Variants in TLK1 observed in about 807,000 individuals in gnomAD.
The protein encoded by TLK1 is tousled like kinase 1.
A neutral mutation model predicts 105.3 loss-of-function variants in TLK1; 24 were observed. That is an observed-to-expected ratio of 0.23 (90% CI 0.17 to 0.32). The LOEUF (loss-of-function observed/expected upper bound fraction) is 0.32, where lower values mean the gene tolerates loss of function less well. Among genes scored for constraint, TLK1 ranks in the 10% least tolerant of loss-of-function variants. TLK1 has a pLI of 1.00. For synonymous variants in TLK1, 321 were observed against 310.4 expected (o/e 1.03, Z -0.36); for missense variants, 558 against 910.5 (o/e 0.61, Z 4.98).
chr2:171,212,092 T>C (rs1553490057), intron 1 of TLK1, among the ~76,000 whole-genome samples: 3 of 146,452 alleles, frequency 2.0e-5, no homozygotes, highest in Non-Finnish European at 1.5e-5. Flanking sequence ...GTGATCCACC[T>C]ACCTCCCAAA....
intron 1 of TLK1, among the ~76,000 whole-genome samples, chr2:171,196,874 C>T (rs982382387): frequency 3.9e-5 from 6 of 152,184 alleles, no homozygotes; most frequent in Admixed American, 6.5e-5. Context: ...ATGAATATAG[C>T]TCTAAAAACT....
intron 1 of TLK1, among the ~76,000 whole-genome samples, chr2:171,137,546 T>G (rs1691376486): frequency 6.6e-6 from 1 of 152,080 alleles, no homozygotes; most frequent in African/African-American, 2.4e-5. Flanking sequence ...GGAATAAGCC[T>G]CAGTTTTAAG....
intron 1 of TLK1, among the ~76,000 whole-genome samples, chr2:171,181,584 C>T (rs7594071): frequency 0.47 from 71,821 of 151,990 alleles, 19,036 homozygotes; most frequent in African/African-American, 0.73. Flanking sequence ...CTGCTTCCAC[C>T]CATGGTGGAA....
At chr2:171,025,688 GCCTGT>G (rs1685739699) in intron 12 of TLK1, among the ~76,000 whole-genome samples, 2 of 152,254 alleles carry the variant, frequency 1.3e-5, no homozygotes, top group South Asian at 4.1e-4. Context: ...TTTGACTCAA[GCCTGT>G]CCTGTGTTTT....
intron 2 of TLK1, among the ~76,000 whole-genome samples, chr2:171,116,695 C>T (rs1370480802): frequency 3.4e-5 from 4 of 116,946 alleles, no homozygotes; most frequent in Admixed American, 3.2e-4. Flanking sequence ...GTGAGACTCC[C>T]TCAAAAAAAA....
intron 1 of TLK1, among the ~76,000 whole-genome samples, chr2:171,143,698 A>G (rs1321894444): frequency 6.6e-6 from 1 of 152,192 alleles, no homozygotes; most frequent in Non-Finnish European, 1.5e-5. Context: ...TAATTCAAAT[A>G]TAGTTTTAAA....
intron 1 of TLK1, among the ~76,000 whole-genome samples, chr2:171,137,883 TA>T (rs1325279656): frequency 3.9e-4 from 58 of 147,684 alleles, no homozygotes; most frequent in African/African-American, 1.2e-3. Context: ...AAGTAAAAAA[TA>T]AAAAAAAAAC....
At chr2:171,006,012 A>T in intron 18 of TLK1, 135 bp downstream of exon 18, 2 of 855,522 alleles carry the variant, frequency 2.3e-6, no homozygotes, top group Admixed American at 5.8e-5. Context: ...CTCCCTCTCA[A>T]CTGAGAGCTT....
intron 3 of TLK1, among the ~76,000 whole-genome samples, chr2:171,066,183 AAAG>A (rs1318848472): frequency 1.3e-5 from 2 of 152,320 alleles, no homozygotes; most frequent in Middle Eastern, 3.4e-3. Flanking sequence ...TTGACCTCTA[AAAG>A]AAGATCTCTA....
intron 1 of TLK1, among the ~76,000 whole-genome samples, chr2:171,182,963 G>T (rs1026170542): frequency 1.3e-5 from 2 of 149,780 alleles, no homozygotes; most frequent in Non-Finnish European, 3.0e-5. Flanking sequence ...AAGAAAGAAA[G>T]AAAGAACATT....
At chr2:171,022,086 A>AACACACACACACACAGACACACACAC (rs1553605632) in intron 12 of TLK1, among the ~76,000 whole-genome samples, 7 of 103,010 alleles carry the variant, frequency 6.8e-5, no homozygotes, top group East Asian at 5.8e-4. Flanking sequence ...CTGGGCGAAA[A>AACACACACACACACAGACACACACAC]ACACACACAC....
At chr2:171,061,664 C>T (rs967858936) in intron 3 of TLK1, among the ~76,000 whole-genome samples, 3 of 152,302 alleles carry the variant, frequency 2.0e-5, no homozygotes, top group East Asian at 1.9e-4. Context: ...ATTATCCAAC[C>T]GTTATAGCCA....
chr2:171,056,062 T>A (rs1687487140), intron 6 of TLK1, among the ~76,000 whole-genome samples: 1 of 152,078 alleles, frequency 6.6e-6, no homozygotes, highest in Non-Finnish European at 1.5e-5. Flanking sequence ...CTACATACCC[T>A]GCCTTTTTCT....
intron 3 of TLK1, among the ~76,000 whole-genome samples, chr2:171,073,352 G>A (rs1225858175): frequency 6.6e-6 from 1 of 151,988 alleles, no homozygotes; most frequent in Non-Finnish European, 1.5e-5. Flanking sequence ...TTTTTAAAGG[G>A]TAACATTTAA....
chr2:171,083,499 C>T (rs1362610756), intron 2 of TLK1, among the ~76,000 whole-genome samples: 1 of 152,098 alleles, frequency 6.6e-6, no homozygotes, highest in African/African-American at 2.4e-5. Flanking sequence ...TTCTATGATA[C>T]TTATTATCTT....
chr2:171,045,061 C>T (rs547234618), intron 11 of TLK1, among the ~76,000 whole-genome samples: 3 of 151,910 alleles, frequency 2.0e-5, no homozygotes, highest in Non-Finnish European at 4.4e-5. Context: ...GTTTTGCTTA[C>T]ATGTTTTTGG....
At chr2:171,016,137 G>GT (rs1284817185) in intron 12 of TLK1, among the ~76,000 whole-genome samples, 1 of 152,100 alleles carries the variant, frequency 6.6e-6, no homozygotes, top group East Asian at 1.9e-4. Context: ...CCTGTGCCAG[G>GT]TTTCAGTGAA....
At chr2:171,116,464 GC>G (rs1285238961) in intron 2 of TLK1, among the ~76,000 whole-genome samples, 1 of 152,152 alleles carries the variant, frequency 6.6e-6, no homozygotes, top group African/African-American at 2.4e-5. Context: ...ACTTTGGGAG[GC>G]CGAGGTGGGT....
At chr2:171,046,491 G>T in intron 10 of TLK1, 129 bp from the exon 11 acceptor site, 1 of 1,029,044 alleles carries the variant, frequency 9.7e-7, no homozygotes, top group Non-Finnish European at 1.3e-6. Flanking sequence ...TTCCACTCTT[G>T]TGAACCAATT....
Sources: allele counts gnomAD v4.1 joint callset (sites outside exome capture counted in the v4.1 genomes callset), GRCh38; gene constraint gnomAD v4.1.1; transcripts MANE v1.5; gene names NCBI Gene and HGNC (gene_info 2026-07-23, HGNC 2026-07-21).